The following BMERB1 variants were observed in gnomAD, a reference collection of about 807,000 sequenced individuals.
The protein encoded by BMERB1 is bMERB domain-containing protein 1.
BMERB1 carries 12 observed loss-of-function variants against 23.6 expected under a neutral mutation model. The ratio of observed to expected loss-of-function variants is 0.51; its 90% confidence interval spans 0.33 to 0.82. The LOEUF is 0.82. Among genes scored for constraint, BMERB1 ranks in the 40% least tolerant of loss-of-function variants. The probability of loss-of-function intolerance (pLI) is 0.03; values close to 1 mark genes in which losing one functional copy is unlikely to be tolerated. For missense variants in BMERB1, 247 were observed against 255.4 expected (o/e 0.97, Z 0.22); for synonymous variants, 122 against 96.6 (o/e 1.26, Z -1.54).
At position 15,465,941 on chromosome 16, in the gene BMERB1, A is replaced by G. The variant is rs150506511; in HGVS notation, c.106+31182A>G. 2.5e-3 allele frequency among the ~76,000 whole-genome samples: 383 copies of G among 152,334 alleles called. 2 individuals carry two copies. Among genetic ancestry groups the G allele is most frequent in the African/African-American group, 8.4e-3 (351 of 41,570 alleles). ...AATTCTTTTAATTTTTTAACTGCTCAAAGTATTTCTAATAGGTGAATATAC... is the reference window on the plus strand; with the variant it reads ...AATTCTTTTAATTTTTTAACTGCTCGAAGTATTTCTAATAGGTGAATATAC... On this transcript the variant is annotated intron_variant, in intron 1 of 5. Coordinates refer to ENST00000300006, the MANE Select transcript of BMERB1 (RefSeq NM_033201.3).
intron 3 of BMERB1, among the ~76,000 whole-genome samples, chr16:15,580,759 A>C (rs572933495): frequency 2.3e-4 from 35 of 151,116 alleles, no homozygotes; most frequent in African/African-American, 6.3e-4. Context: ...GTTAGCCAGG[A>C]TGGTCTCGAT....
At chr16:15,534,750 T>C (rs1468442930) in intron 2 of BMERB1, among the ~76,000 whole-genome samples, 1 of 152,072 alleles carries the variant, frequency 6.6e-6, no homozygotes, top group African/African-American at 2.4e-5. Flanking sequence ...CTTTTTCTCT[T>C]CTCCTTTATC....
intron 2 of BMERB1, among the ~76,000 whole-genome samples, chr16:15,545,583 G>T (rs529726654): frequency 1.1e-4 from 17 of 152,278 alleles, no homozygotes; most frequent in Admixed American, 6.5e-4. Context: ...GGAGTCGGAA[G>T]GACAGGCTTG....
chr16:15,541,072 C>G (rs74588967), intron 2 of BMERB1, among the ~76,000 whole-genome samples: 2,131 of 152,086 alleles, frequency 0.014, 58 homozygotes, highest in African/African-American at 0.05. Flanking sequence ...TCTGCCTGGC[C>G]AATTACAAAC....
intron 1 of BMERB1, among the ~76,000 whole-genome samples, chr16:15,490,966 C>A (rs930570538): frequency 1.3e-5 from 2 of 152,198 alleles, no homozygotes; most frequent in South Asian, 4.1e-4. Flanking sequence ...CCACCTCAGC[C>A]TCCCGAGTAG....
intron 2 of BMERB1, among the ~76,000 whole-genome samples, chr16:15,539,535 G>A (rs1378254189): frequency 2.0e-5 from 3 of 152,058 alleles, no homozygotes; most frequent in Non-Finnish European, 4.4e-5. Context: ...CAGCATTTAG[G>A]AAAACATTAA....
intron 1 of BMERB1, among the ~76,000 whole-genome samples, chr16:15,474,495 G>T (rs1187434992): frequency 6.6e-6 from 1 of 151,948 alleles, no homozygotes; most frequent in Non-Finnish European, 1.5e-5. Flanking sequence ...CTCCTGAATT[G>T]AGTTGCTAGA....
chr16:15,439,496 C>G (rs555627681), intron 1 of BMERB1, among the ~76,000 whole-genome samples: 102 of 152,322 alleles, frequency 6.7e-4, no homozygotes, highest in African/African-American at 2.4e-3. Context: ...TCACCAGTTA[C>G]AGCTTTTCAT....
intron 3 of BMERB1, among the ~76,000 whole-genome samples, chr16:15,575,057 C>T (rs371155432): frequency 1.3e-3 from 201 of 151,784 alleles, no homozygotes; most frequent in Middle Eastern, 3.4e-3. Context: ...CCAGCCTGGG[C>T]GACAAAGCAA....
intron 1 of BMERB1, among the ~76,000 whole-genome samples, chr16:15,511,714 A>C (rs932425825): frequency 2.6e-5 from 4 of 152,072 alleles, no homozygotes; most frequent in African/African-American, 9.7e-5. Flanking sequence ...TTTCTCTTGA[A>C]AACTGGGAGT....
At chr16:15,584,738 T>C (rs1723103889) in intron 5 of BMERB1, among the ~76,000 whole-genome samples, 1 of 152,146 alleles carries the variant, frequency 6.6e-6, no homozygotes, top group South Asian at 2.1e-4. Flanking sequence ...TAAGCATCAT[T>C]TTTTCCTACA....
intron 1 of BMERB1, among the ~76,000 whole-genome samples, chr16:15,489,786 A>G (rs1399353563): frequency 6.6e-6 from 1 of 152,104 alleles, no homozygotes; most frequent in Admixed American, 6.6e-5. Context: ...TCCCCCAAAC[A>G]TAACTCATTA....
chr16:15,492,661 G>A (rs972953886), intron 1 of BMERB1, among the ~76,000 whole-genome samples: 1 of 152,162 alleles, frequency 6.6e-6, no homozygotes, highest in Non-Finnish European at 1.5e-5. Context: ...GCTCACACCT[G>A]TATTCCCAGC....
At chr16:15,504,788 A>C (rs899885626) in intron 1 of BMERB1, among the ~76,000 whole-genome samples, 1 of 151,952 alleles carries the variant, frequency 6.6e-6, no homozygotes, top group Non-Finnish European at 1.5e-5. Flanking sequence ...TAAAAAAAAA[A>C]AGTATATTTA....
intron 1 of BMERB1, among the ~76,000 whole-genome samples, chr16:15,480,900 C>T (rs1229760437): frequency 6.6e-6 from 1 of 152,080 alleles, no homozygotes; most frequent in African/African-American, 2.4e-5. Flanking sequence ...GCATGAGCCA[C>T]TGTGCCCGGC....
chr16:15,448,531 C>T (rs153792), intron 1 of BMERB1, among the ~76,000 whole-genome samples: 66,560 of 152,070 alleles, frequency 0.44, 15,372 homozygotes, highest in Middle Eastern at 0.54. Flanking sequence ...CAGTGGCTTA[C>T]GCCTGTATTT....
rs559484986 is a variant in BMERB1 at position 15,506,064 on chromosome 16, A to G, written c.107-9241A>G. ...TCAGATAGATCTGGGTTTGAGTTTC[A>G]TTTCTACCACTCATTATAGCACTGC... On this transcript the variant is annotated intron_variant, in intron 1 of 5. Coordinates refer to ENST00000300006, the MANE Select transcript of BMERB1 (RefSeq NM_033201.3). Among the ~76,000 whole-genome samples the G allele has an allele frequency of 3.3e-5, 5 of 152,062 alleles. No individual in the cohort carries two copies. The South Asian group carries it at 6.2e-4, about 19-fold the overall frequency.
intron 1 of BMERB1, among the ~76,000 whole-genome samples, chr16:15,479,404 C>T (rs1441325812): frequency 6.6e-6 from 1 of 152,148 alleles, no homozygotes; most frequent in Non-Finnish European, 1.5e-5. Flanking sequence ...CCAATGAATT[C>T]TCATGTAACA....
At chr16:15,434,877 CG>C (rs2050874041) in intron 1 of BMERB1, 118 bp downstream of exon 1, 3 of 829,224 alleles carry the variant, frequency 3.6e-6, no homozygotes, top group Non-Finnish European at 5.6e-6. Context: ...GCCCCCGCAG[CG>C]GGGCTGGCAG....
Sources: gnomAD v4.1 joint callset for allele counts (sites outside exome capture counted in the v4.1 genomes callset) on GRCh38, gnomAD v4.1.1 for gene constraint, MANE v1.5 for transcripts, NCBI Gene and HGNC (gene_info 2026-07-23, HGNC 2026-07-21) for gene names.